Variants in TEX11 observed in about 807,000 individuals in gnomAD.
TEX11 encodes the protein testis expressed 11.
A neutral mutation model predicts 84.4 loss-of-function variants in TEX11; 7 were observed. The ratio of observed to expected loss-of-function variants is 0.08; its 90% CI spans 0.05 to 0.16. TEX11 has a LOEUF of 0.16. Among genes scored for constraint, TEX11 ranks in the 10% least tolerant of loss-of-function variants. The pLI, the probability that TEX11 is intolerant of heterozygous loss-of-function variation, is 1.00. For missense variants in TEX11, 551 were observed against 660.5 expected (o/e 0.83, Z 1.82); for synonymous variants, 264 against 222.8 (o/e 1.18, Z -1.64).
intron 23 of TEX11, among the ~76,000 whole-genome samples, chrX:70,606,505 A>C (rs1409500615): frequency 8.9e-6 from 1 of 112,282 alleles, no homozygotes; most frequent in African/African-American, 3.2e-5. Flanking sequence ...TAGGAAAGTT[A>C]TAAAGGAGGC....
chrX:70,704,135 C>T (rs778982151), intron 13 of TEX11, among the ~76,000 whole-genome samples: 1 of 109,842 alleles, frequency 9.1e-6, no homozygotes, highest in Non-Finnish European at 1.9e-5. Context: ...CTCTCTCTCT[C>T]TCCTGTTCTG....
At chrX:70,688,694 C>G (rs1436849755) in intron 13 of TEX11, among the ~76,000 whole-genome samples, 1 of 108,739 alleles carries the variant, frequency 9.2e-6, no homozygotes, top group Non-Finnish European at 1.9e-5. Flanking sequence ...TGTCATTATG[C>G]ATGTCAAAAT....
chrX:70,523,995 A>G (rs987956079), downstream of TEX11, among the ~76,000 whole-genome samples: 1 of 110,925 alleles, frequency 9.0e-6, no homozygotes, highest in Non-Finnish European at 1.9e-5. Flanking sequence ...TAGTAAATCA[A>G]TATAAATGGG....
intron 9 of TEX11, among the ~76,000 whole-genome samples, chrX:70,784,388 C>A (rs763058565): frequency 0.013 from 1,492 of 111,338 alleles, 15 homozygotes; most frequent in South Asian, 0.029. Flanking sequence ...GAATGGGCAA[C>A]AACTGAAAGC....
chrX:70,833,314 A>G (rs187853106), intron 8 of TEX11, among the ~76,000 whole-genome samples, 199 bp downstream of exon 8: 31 of 107,363 alleles, frequency 2.9e-4, no homozygotes, highest in East Asian at 1.7e-3. Flanking sequence ...GAAAAGAAAA[A>G]AAAGAAATAT....
In TEX11 at chrX:70,595,201, C is replaced by T. The variant is rs370088213; in HGVS notation, c.2068-3378G>A. 2.8e-4 allele frequency among the ~76,000 whole-genome samples: 31 copies of T among 110,966 alleles called. No individual in the cohort carries two copies. In the East Asian group the frequency reaches 7.9e-3, roughly 28 times the overall value. Reference sequence around the variant, plus strand: ...GATTCAAGTGATTCTCCTGCCTTAGCCTCCTGAGTAGCTGGGATTATAGGC... The same window carrying T: ...GATTCAAGTGATTCTCCTGCCTTAGTCTCCTGAGTAGCTGGGATTATAGGC... On this transcript the variant is annotated intron_variant, in intron 24 of 29. Coordinates refer to ENST00000374333, the MANE Select transcript of TEX11 (RefSeq NM_031276.3).
At chrX:70,615,449 G>A (rs1463935928) in intron 20 of TEX11, among the ~76,000 whole-genome samples, 2 of 111,505 alleles carry the variant, frequency 1.8e-5, no homozygotes, top group Non-Finnish European at 3.8e-5. Flanking sequence ...GAAATAACTA[G>A]TTAGCTCAAA....
At chrX:70,585,730 G>C (rs759433584) in intron 25 of TEX11, among the ~76,000 whole-genome samples, 14 of 112,194 alleles carry the variant, frequency 1.2e-4, no homozygotes, top group African/African-American at 4.5e-4. Context: ...TTTCAACAAG[G>C]GTGTCAAGAC....
chrX:70,646,276 A>T (rs895892858), intron 17 of TEX11, among the ~76,000 whole-genome samples: 5 of 112,353 alleles, frequency 4.5e-5, no homozygotes, highest in African/African-American at 1.6e-4. Context: ...TATTCAAAAT[A>T]GATTAAAGAT....
rs1350918240 is a variant in TEX11, at chrX:70,575,616, T to C, written c.2140+16135A>G. ...TCACCAGAAAACTGAACCTTCTGGA[T>C]CCTTGACCGTAGACTTCCCAGCCTC... On this transcript the variant is annotated intron_variant, in intron 25 of 29. Coordinates refer to ENST00000374333, the MANE Select transcript of TEX11 (RefSeq NM_031276.3). Among the ~76,000 whole-genome samples the C allele has an allele frequency of 2.7e-5, 3 of 111,677 alleles. No individual in the cohort carries two copies. In the Admixed American group the frequency reaches 2.9e-4, roughly 11 times the overall value.
chrX:70,612,280 C>T (rs1229219481), intron 20 of TEX11, among the ~76,000 whole-genome samples: 1 of 111,327 alleles, frequency 9.0e-6, no homozygotes, highest in Non-Finnish European at 1.9e-5. Flanking sequence ...AGAAGGCATA[C>T]TAAAAGGCAG....
intron 16 of TEX11, among the ~76,000 whole-genome samples, chrX:70,665,040 C>T (rs918478659): frequency 2.7e-5 from 3 of 110,291 alleles, no homozygotes; most frequent in Admixed American, 9.7e-5. Context: ...CACTTTAGGT[C>T]ACATAAATAT....
intron 8 of TEX11, among the ~76,000 whole-genome samples, chrX:70,830,636 G>A (rs1476212799): frequency 9.0e-6 from 1 of 111,715 alleles, no homozygotes; most frequent in Non-Finnish European, 1.9e-5. Context: ...ATAACCCAAT[G>A]AAAAAATGGG....
At chrX:70,559,538 T>G (rs766674755) in intron 25 of TEX11, among the ~76,000 whole-genome samples, 74 of 112,331 alleles carry the variant, frequency 6.6e-4, no homozygotes, top group Admixed American at 8.5e-4. Context: ...TTGTACACTT[T>G]GATGGGTGAA....
Position 70,806,960 on chromosome X carries a change from A to T in TEX11, c.607-170T>A, listed in dbSNP as rs192923840. Among the ~76,000 whole-genome samples, 7 of 112,589 alleles carry T rather than the reference A, an allele frequency of 6.2e-5. No homozygotes were observed. In the East Asian group the frequency reaches 1.7e-3, roughly 27 times the overall value. On this transcript the variant is annotated intron_variant, in intron 8 of 29. Coordinates refer to ENST00000374333, the MANE Select transcript of TEX11 (RefSeq NM_031276.3). ...AACAAAAACATACTTAATGTGTCCTATACATCAAAATAAGCTTCCTTATCA... is the reference window on the plus strand; with the variant it reads ...AACAAAAACATACTTAATGTGTCCTTTACATCAAAATAAGCTTCCTTATCA...
chrX:70,529,485 A>G (rs781398557), intron 29 of TEX11, among the ~76,000 whole-genome samples: 2 of 112,069 alleles, frequency 1.8e-5, no homozygotes, highest in African/African-American at 3.2e-5. Context: ...GTTCCTGGAG[A>G]AAATGCCTTT....
intron 28 of TEX11, among the ~76,000 whole-genome samples, chrX:70,545,062 G>A (rs1017247842): frequency 5.5e-5 from 6 of 108,441 alleles, no homozygotes; most frequent in Non-Finnish European, 1.1e-4. Context: ...AAAATTAGCC[G>A]GGTGTGGTGG....
intron 7 of TEX11, among the ~76,000 whole-genome samples, chrX:70,839,630 G>T (rs1174305445): frequency 8.9e-6 from 1 of 112,281 alleles, no homozygotes; most frequent in Non-Finnish European, 1.9e-5. Flanking sequence ...ATGGAACAAA[G>T]CTGGACGAAG....
At position 70,888,348 on chromosome X, in the gene TEX11, A is replaced by G. The variant is rs2091720871; in HGVS notation, c.38-8239T>C. ...ATATAACACAGAGAAGGAATTTAGA[A>G]TTCTATCAGCTAAATTTAGCAAAGA... is the stretch of plus-strand genomic sequence containing the variant. On this transcript the variant is annotated intron_variant, in intron 2 of 29. Coordinates refer to ENST00000374333, the MANE Select transcript of TEX11 (RefSeq NM_031276.3). 3.5e-5 allele frequency among the ~76,000 whole-genome samples: 4 copies of G among 112,817 alleles called. No homozygotes were observed. The South Asian group carries it at 1.5e-3, about 41-fold the overall frequency.
Sources: allele counts gnomAD v4.1 joint callset (sites outside exome capture counted in the v4.1 genomes callset), GRCh38; gene constraint gnomAD v4.1.1; transcripts MANE v1.5; gene names NCBI Gene and HGNC (gene_info 2026-07-23, HGNC 2026-07-21).